The following EPHA6 variants were observed in gnomAD, a reference collection of about 807,000 sequenced individuals.
EPHA6 encodes the protein ephrin type-A receptor 6.
EPHA6 carries 50 observed loss-of-function variants against 112.0 expected under a neutral mutation model. The observed-to-expected ratio is 0.45, with a 90% CI of 0.36 to 0.56. The LOEUF is 0.56. Among genes scored for constraint, EPHA6 ranks in the 20% least tolerant of loss-of-function variants. EPHA6 has a pLI of 0.00. For synonymous variants in EPHA6, 529 were observed against 490.7 expected (o/e 1.08, Z -1.03); for missense variants, 1,280 against 1,417.4 (o/e 0.90, Z 1.56).
At chr3:97,075,487 T>C (rs535327443) in intron 3 of EPHA6, among the ~76,000 whole-genome samples, 1 of 152,120 alleles carries the variant, frequency 6.6e-6, no homozygotes, top group Non-Finnish European at 1.5e-5. Flanking sequence ...CCTAAAGCAC[T>C]GTAACTTAAA....
At chr3:96,918,805 CAT>C (rs1463329333) in intron 2 of EPHA6, among the ~76,000 whole-genome samples, 1 of 151,816 alleles carries the variant, frequency 6.6e-6, no homozygotes, top group Non-Finnish European at 1.5e-5. Context: ...TACAGGCTCT[CAT>C]AAAGAAAATT....
intron 15 of EPHA6, among the ~76,000 whole-genome samples, chr3:97,720,832 C>A (rs573123909): frequency 1.3e-5 from 2 of 152,260 alleles, no homozygotes; most frequent in South Asian, 4.1e-4. Flanking sequence ...TGCTTTCAGG[C>A]AATGCATTAT....
At chr3:97,081,625 A>G (rs927459023) in intron 3 of EPHA6, among the ~76,000 whole-genome samples, 1 of 151,874 alleles carries the variant, frequency 6.6e-6, no homozygotes, top group Non-Finnish European at 1.5e-5. Context: ...ATGTCAATAC[A>G]CTTTAACTAT....
intron 13 of EPHA6, among the ~76,000 whole-genome samples, chr3:97,616,534 T>A (rs944988192): frequency 1.3e-5 from 2 of 152,074 alleles, no homozygotes; most frequent in African/African-American, 4.8e-5. Context: ...AAAATCATGA[T>A]AAAACATTGC....
intron 3 of EPHA6, among the ~76,000 whole-genome samples, chr3:97,002,946 G>A (rs985635238): frequency 6.6e-6 from 1 of 151,982 alleles, no homozygotes; most frequent in Non-Finnish European, 1.5e-5. Context: ...TTTAAAAATA[G>A]ACTAAATTAC....
At chr3:96,999,316 G>T (rs1360535364) in intron 3 of EPHA6, among the ~76,000 whole-genome samples, 6 of 151,882 alleles carry the variant, frequency 4.0e-5, no homozygotes, top group Admixed American at 6.6e-5. Context: ...ATTTCCCAAA[G>T]AATTCAAGTT....
chr3:97,496,058 G>A (rs756942291), intron 10 of EPHA6, among the ~76,000 whole-genome samples: 3 of 152,114 alleles, frequency 2.0e-5, no homozygotes, highest in Admixed American at 6.6e-5. Context: ...ACACAGCAGC[G>A]AGGCAGGCAA....
intron 7 of EPHA6, among the ~76,000 whole-genome samples, chr3:97,470,738 T>C (rs2091205746): frequency 6.6e-6 from 1 of 151,608 alleles, no homozygotes; most frequent in Non-Finnish European, 1.5e-5. Flanking sequence ...ACGCTGTTGC[T>C]CAGTTACAAT....
At chr3:97,241,487 A>G (rs1238951794) in intron 4 of EPHA6, among the ~76,000 whole-genome samples, 1 of 151,804 alleles carries the variant, frequency 6.6e-6, no homozygotes, top group East Asian at 1.9e-4. Context: ...TAATGTTTAT[A>G]TAATTTATAA....
rs183320087 is a variant in EPHA6 at position 97,429,798 on chromosome 3, T to A, written c.1732-18770T>A. 1.4e-3 allele frequency among the ~76,000 whole-genome samples: 207 copies of A among 152,330 alleles called. 2 individuals carry two copies. The highest frequency in any genetic ancestry group is 7.4e-4 in the Non-Finnish European group (50 of 68,024). ...AACAGGAGACACTTTAGAGGTATAG[T>A]TAGTAGATATTTGTAATTTTCATGT... On this transcript the variant is annotated intron_variant, in intron 6 of 17. Coordinates refer to ENST00000389672, the MANE Select transcript of EPHA6 (RefSeq NM_001080448.3).
chr3:97,670,677 A>G (rs901403829), intron 14 of EPHA6, among the ~76,000 whole-genome samples: 1 of 152,224 alleles, frequency 6.6e-6, no homozygotes, highest in Admixed American at 6.5e-5. Flanking sequence ...AATGCCTTCA[A>G]ACAGAAACAA....
At chr3:97,513,963 G>A (rs1454607849) in intron 10 of EPHA6, among the ~76,000 whole-genome samples, 1 of 152,214 alleles carries the variant, frequency 6.6e-6, no homozygotes, top group South Asian at 2.1e-4. Flanking sequence ...GCTTCAGAGG[G>A]TGTTGAGAAA....
chr3:97,116,435 T>C (rs567856651), intron 3 of EPHA6, among the ~76,000 whole-genome samples: 1 of 151,798 alleles, frequency 6.6e-6, no homozygotes, highest in Non-Finnish European at 1.5e-5. Flanking sequence ...GTCATCATAC[T>C]TTACAGTAGA....
At chr3:97,318,867 A>G (rs929075876) in intron 5 of EPHA6, among the ~76,000 whole-genome samples, 9 of 151,968 alleles carry the variant, frequency 5.9e-5, no homozygotes, top group African/African-American at 2.2e-4. Flanking sequence ...TTTCAAGTGA[A>G]CATTTATTGA....
intron 1 of EPHA6, among the ~76,000 whole-genome samples, chr3:96,822,123 A>T (rs948467726): frequency 5.9e-5 from 9 of 152,108 alleles, no homozygotes; most frequent in African/African-American, 2.2e-4. Flanking sequence ...ACTTAATTAC[A>T]TAAAAATGTA....
intron 3 of EPHA6, among the ~76,000 whole-genome samples, chr3:97,139,855 A>G (rs2075854347): frequency 6.6e-6 from 1 of 152,200 alleles, no homozygotes; most frequent in Non-Finnish European, 1.5e-5. Context: ...TAAAATGACA[A>G]CGAATTCCAA....
At chr3:97,211,739 C>A (rs2077882608) in intron 3 of EPHA6, among the ~76,000 whole-genome samples, 1 of 152,148 alleles carries the variant, frequency 6.6e-6, no homozygotes, top group Admixed American at 6.5e-5. Flanking sequence ...CACACTCAGT[C>A]AATAACACCT....
intron 7 of EPHA6, among the ~76,000 whole-genome samples, chr3:97,468,432 T>G (rs2091127205): frequency 6.7e-6 from 1 of 150,198 alleles, no homozygotes; most frequent in African/African-American, 2.4e-5. Flanking sequence ...TGACCCACAT[T>G]ATTTTCTATT....
intron 5 of EPHA6, among the ~76,000 whole-genome samples, chr3:97,266,355 C>T (rs1233484683): frequency 1.3e-5 from 2 of 151,878 alleles, no homozygotes; most frequent in South Asian, 2.1e-4. Flanking sequence ...TCCAGTTTAC[C>T]GTATTCTAAT....
Sources: allele counts gnomAD v4.1 joint callset (sites outside exome capture counted in the v4.1 genomes callset), GRCh38; gene constraint gnomAD v4.1.1; transcripts MANE v1.5; gene names NCBI Gene and HGNC (gene_info 2026-07-23, HGNC 2026-07-21).